TRNT1: variants seen among roughly 807,000 people sequenced by gnomAD.
TRNT1 encodes tRNA nucleotidyl transferase 1.
Under a neutral mutation model 45.6 loss-of-function variants are expected in TRNT1, and 44 were observed. The observed-to-expected ratio is 0.97, with a 90% CI of 0.76 to 1.24. The LOEUF (loss-of-function observed/expected upper bound fraction) is 1.24. TRNT1 is among the 50% of genes most tolerant of loss of function. The pLI is 0.00. For synonymous variants in TRNT1, 201 were observed against 171.4 expected, an observed-to-expected ratio of 1.17 and a Z score of -1.35; for missense variants, 633 against 504.4, an observed-to-expected ratio of 1.25 and a Z score of -2.44.
downstream of TRNT1, chr3:3,149,642 C>T (rs1402945634): frequency 2.0e-5 from 3 of 151,894 alleles, no homozygotes; most frequent in Admixed American, 1.3e-4. Flanking sequence ...GTCACACAAA[C>T]CCAAAATTAT....
chr3:3,146,656 G>C (rs781405348), intron 6 of TRNT1, 33 bp downstream of exon 6: 1 of 1,493,540 alleles, frequency 6.7e-7, no homozygotes, highest in South Asian at 1.3e-5. Context: ...TTGAATTTTT[G>C]GCAGTGAAAT....
At chr3:3,149,839 ATTAGTT>A (rs1267335222), downstream of TRNT1, 2 of 152,156 alleles carry the variant, frequency 1.3e-5, no homozygotes, top group Admixed American at 6.5e-5. Context: ...ATTTAACCTG[ATTAGTT>A]TTAAAGTAGC....
chr3:3,149,279 T>A (rs1706301992), downstream of TRNT1: 2 of 152,092 alleles, frequency 1.3e-5, no homozygotes. Flanking sequence ...AAATACTTAC[T>A]TAAAATATTT....
downstream of TRNT1, chr3:3,150,029 G>T (rs933179377): frequency 1.3e-5 from 2 of 151,980 alleles, no homozygotes; most frequent in Non-Finnish European, 2.9e-5. Context: ...CACACTTAAG[G>T]TTTACTTACT....
intron 1 of TRNT1, chr3:3,127,365 G>C (rs768430741): frequency 1.3e-5 from 2 of 152,278 alleles, no homozygotes; most frequent in Non-Finnish European, 2.9e-5. Context: ...AGGAAACTGA[G>C]TGGGTCTTTC....
chr3:3,152,341 TTGTC>T, downstream of TRNT1: 3 of 1,168,994 alleles, frequency 2.6e-6, no homozygotes, highest in East Asian at 4.7e-5. Context: ...AATTACTCAT[TTGTC>T]TGTCTACTTT....
chr3:3,130,286 G>T, intron 2 of TRNT1: 1 of 257,422 alleles, frequency 3.9e-6, no homozygotes, highest in Non-Finnish European at 7.5e-6. Flanking sequence ...TCTCTGGGTG[G>T]GATGACCATC....
Position 3,147,582 on chromosome 3 carries a change from G to C in TRNT1, c.935G>C (p.Arg312Thr), listed in dbSNP as rs752554719. The C allele has an allele frequency of 6.2e-7, 1 of 1,613,916 alleles. No individual in the cohort carries two copies. The highest frequency in any genetic ancestry group is 8.5e-7 in the Non-Finnish European group (1 of 1,179,880). ...GATGATGTCACAAAATTGGATTTGA[G>C]GTTGAAGATCGCAAAAGAGGAGAAA... is the stretch of plus-strand genomic sequence containing the variant. Reference protein sequence around the residue: ...VQDDVTKLDLRLKIAKEEKNL... With the variant: ...VQDDVTKLDLTLKIAKEEKNL... The change falls in exon 7 of 8, where the codon AGG becomes ACG. Residue 312 changes from arginine (R) to threonine (T), a missense_variant. Physicochemically the swap from Arg to Thr is moderately conservative, Grantham distance 71. Transcript: ENST00000251607.
chr3:3,151,546 AC>A (rs373804863), downstream of TRNT1, among the ~76,000 whole-genome samples: 18 of 152,256 alleles, frequency 1.2e-4, no homozygotes, highest in East Asian at 2.9e-3. Flanking sequence ...AACCAGAAAT[AC>A]AAACCATGGT....
chr3:3,149,388 ATGTGTAAAACCAT>A (rs1706313207), downstream of TRNT1: 1 of 152,136 alleles, frequency 6.6e-6, no homozygotes, highest in Admixed American at 6.5e-5. Context: ...TGGTTTTGTC[ATGTGTAAAACCAT>A]TTTCAGTAGT....
chr3:3,153,162 A>G, downstream of TRNT1: 1 of 425,546 alleles, frequency 2.3e-6, no homozygotes, highest in Non-Finnish European at 4.3e-6. Context: ...ATAGATTGTC[A>G]ACAAGAATTA....
At chr3:3,147,728 GA>G (rs753016731) in intron 7 of TRNT1, 25 bp downstream of exon 7, 20 of 1,570,848 alleles carry the variant, frequency 1.3e-5, no homozygotes, top group Non-Finnish European at 1.7e-5. Flanking sequence ...GGCTTGGTCA[GA>G]AATATGAAGT....
chr3:3,140,211 T>C (rs964814155), intron 3 of TRNT1, among the ~76,000 whole-genome samples: 1 of 152,248 alleles, frequency 6.6e-6, no homozygotes, highest in African/African-American at 2.4e-5. Context: ...AGAACAGTTT[T>C]GAGTTTGATG....
intron 6 of TRNT1, among the ~76,000 whole-genome samples, chr3:3,147,078 C>A (rs145131195): frequency 1.3e-5 from 2 of 152,168 alleles, no homozygotes; most frequent in South Asian, 4.1e-4. Flanking sequence ...TATCACACTT[C>A]GGTAAGCTTG....
In TRNT1 at chr3:3,129,008, T is replaced by C. The variant is rs545940001; in HGVS notation, c.-27-6T>C. On this transcript the variant is annotated splice_region_variant and splice_polypyrimidine_tract_variant and intron_variant, in intron 1 of 7. Transcript: ENST00000251607. ...TCATTGGTATGCCTGTGTATTTGCCTTGTAGATGTGTAGTTGGTGACTGCC... is the reference window on the plus strand; with the variant it reads ...TCATTGGTATGCCTGTGTATTTGCCCTGTAGATGTGTAGTTGGTGACTGCC... The C allele has an allele frequency of 6.4e-7, 1 of 1,568,442 alleles. No individual in the cohort carries two copies. Among genetic ancestry groups the C allele is most frequent in the Non-Finnish European group, 8.7e-7 (1 of 1,153,002 alleles).
At chr3:3,131,554 G>A (rs571021049) in intron 2 of TRNT1, 3 of 149,498 alleles carry the variant, frequency 2.0e-5, no homozygotes, top group South Asian at 4.3e-4. Flanking sequence ...AGATTTAAAC[G>A]TTAGACCTAA....
chr3:3,150,839 G>C, downstream of TRNT1: 2 of 866,496 alleles, frequency 2.3e-6, no homozygotes, highest in Non-Finnish European at 3.6e-6. Context: ...CAATTTGTTA[G>C]ATAACTTTAT....
chr3:3,142,262 T>G (rs1180696581), intron 4 of TRNT1, among the ~76,000 whole-genome samples: 1 of 152,202 alleles, frequency 6.6e-6, no homozygotes, highest in Non-Finnish European at 1.5e-5. Context: ...TAAAAGTTGT[T>G]CCTATTGGTA....
Position 3,148,405 on chromosome 3 carries a change from A to T in TRNT1, c.*251A>T. ...TTCACCTGAGAAAACATAGTTGGCT[A>T]TTATCTATCTTAACCTGTTCAGGCT... On this transcript the variant is annotated 3_prime_UTR_variant, in exon 8 of 8. Transcript: ENST00000251607. The T allele has an allele frequency of 2.6e-6, 1 of 384,374 alleles. No homozygotes were observed. The highest frequency in any genetic ancestry group is 3.6e-5 in the South Asian group (1 of 27,988). 23.8% of individuals were successfully genotyped at this position (384,374 alleles called of 1,614,324 possible).
Sources: allele counts gnomAD v4.1 joint callset (sites outside exome capture counted in the v4.1 genomes callset), GRCh38; gene constraint gnomAD v4.1.1; transcripts MANE v1.5; gene names NCBI Gene and HGNC (gene_info 2026-07-23, HGNC 2026-07-21).